Variants in HNF4G observed in about 807,000 individuals in gnomAD.
HNF4G encodes hepatocyte nuclear factor 4-gamma.
In HNF4G, 21 loss-of-function variants were observed where a neutral mutation model predicts 50.9. The observed-to-expected ratio is 0.41, with a 90% CI of 0.29 to 0.59. The LOEUF is 0.59. Ranked by LOEUF, HNF4G falls within the 20% of genes least tolerant of loss-of-function variation. HNF4G has a pLI of 0.26. For synonymous variants in HNF4G, 198 were observed against 185.6 expected (o/e 1.07, Z -0.54); for missense variants, 527 against 559.4 (o/e 0.94, Z 0.58).
At chr8:75,463,232 C>T (rs545971830) in intron 1 of HNF4G, among the ~76,000 whole-genome samples, 24 of 152,022 alleles carry the variant, frequency 1.6e-4, no homozygotes, top group Non-Finnish European at 3.1e-4. Context: ...TTATGAAAAA[C>T]AAATCCTGCA....
intron 1 of HNF4G, among the ~76,000 whole-genome samples, chr8:75,442,737 T>A (rs1448884081): frequency 3.3e-5 from 5 of 152,216 alleles, no homozygotes; most frequent in Non-Finnish European, 7.3e-5. Flanking sequence ...GAGATGGGGA[T>A]CATTATTTTA....
chr8:75,412,389 C>A (rs1205946377), intron 1 of HNF4G, among the ~76,000 whole-genome samples: 1 of 152,158 alleles, frequency 6.6e-6, no homozygotes, highest in East Asian at 1.9e-4. Context: ...TTCTTACTTT[C>A]AAAGTACATA....
chr8:75,438,403 A>G lies in HNF4G; in HGVS notation c.-144+30241A>G, dbSNP rs1811191513. The stretch of plus-strand genomic sequence containing the variant: ...TTCCACTGTACCACTGTAAAACCTA[A>G]AACAAGTTCTGGATATGTTAGAACA... On this transcript the variant is annotated intron_variant, in intron 1 of 10. Transcript: ENST00000354370. 2.6e-5 allele frequency among the ~76,000 whole-genome samples: 4 copies of G among 152,150 alleles called. No homozygotes were observed. In the South Asian group the frequency reaches 8.3e-4, roughly 32 times the overall value.
At chr8:75,437,501 G>T (rs1054429616) in intron 1 of HNF4G, among the ~76,000 whole-genome samples, 5 of 152,104 alleles carry the variant, frequency 3.3e-5, no homozygotes, top group African/African-American at 4.8e-5. Context: ...GGGGCAAGGG[G>T]CCTTAAACTA....
chr8:75,529,052 C>G (rs1260852284), intron 2 of HNF4G, among the ~76,000 whole-genome samples: 1 of 151,774 alleles, frequency 6.6e-6, no homozygotes, highest in Admixed American at 6.6e-5. Flanking sequence ...TTTGGGAGGC[C>G]GAGACGGACG....
intron 5 of HNF4G, among the ~76,000 whole-genome samples, chr8:75,553,726 A>G (rs2130805430): frequency 6.6e-6 from 1 of 152,246 alleles, no homozygotes; most frequent in East Asian, 1.9e-4. Flanking sequence ...TTATTGTATA[A>G]AAGTTACATG....
chr8:75,510,090 G>C (rs571008912), intron 2 of HNF4G, among the ~76,000 whole-genome samples: 12 of 152,088 alleles, frequency 7.9e-5, no homozygotes, highest in Non-Finnish European at 1.6e-4. Context: ...AGATATGGGG[G>C]TGGAAGGCAG....
At chr8:75,532,386 G>A (rs1806351796) in intron 2 of HNF4G, among the ~76,000 whole-genome samples, 1 of 151,936 alleles carries the variant, frequency 6.6e-6, no homozygotes, top group Admixed American at 6.6e-5. Context: ...GCATACTCTT[G>A]TAGTAGTTCT....
chr8:75,546,968 T>A (rs180812133), intron 2 of HNF4G, among the ~76,000 whole-genome samples: 13 of 152,282 alleles, frequency 8.5e-5, no homozygotes, highest in African/African-American at 3.1e-4. Flanking sequence ...AGCAGCTGCA[T>A]CATTTAACAT....
chr8:75,483,623 C>T (rs1812431885), intron 1 of HNF4G, among the ~76,000 whole-genome samples: 2 of 152,114 alleles, frequency 1.3e-5, no homozygotes, highest in Non-Finnish European at 2.9e-5. Flanking sequence ...GTAAACATAC[C>T]ATTGGTGCAA....
intron 1 of HNF4G, among the ~76,000 whole-genome samples, chr8:75,411,869 A>G (rs895603675): frequency 2.6e-5 from 4 of 152,202 alleles, no homozygotes; most frequent in African/African-American, 9.7e-5. Context: ...TATAATACCT[A>G]TGCCATATAA....
rs562084738 is a variant in HNF4G at position 75,474,668 on chromosome 8, TA to T, written c.-143-15420del. Among the ~76,000 whole-genome samples, 83 of 152,118 alleles carry T rather than the reference TA, an allele frequency of 5.5e-4. 1 individual carries two copies. The South Asian group carries it at 7.7e-3, about 14-fold the overall frequency. On this transcript the variant is annotated intron_variant, in intron 1 of 10. Transcript: ENST00000354370. ...AAGAATGATGAATAATAATAATTAT[TA>T]TTTTTTTTGGAGATGGAATTATTAT...
intron 2 of HNF4G, among the ~76,000 whole-genome samples, chr8:75,514,194 T>C (rs1468336258): frequency 6.6e-6 from 1 of 152,000 alleles, no homozygotes; most frequent in Non-Finnish European, 1.5e-5. Flanking sequence ...CATTACATAG[T>C]GATTCTTTTA....
chr8:75,560,659 T>A (rs1263401770), intron 9 of HNF4G, among the ~76,000 whole-genome samples, 193 bp downstream of exon 9: 1 of 152,074 alleles, frequency 6.6e-6, no homozygotes, highest in African/African-American at 2.4e-5. Flanking sequence ...CTTCCTAAAA[T>A]GAAAATGAAA....
At chr8:75,494,393 G>A (rs992886803) in intron 2 of HNF4G, among the ~76,000 whole-genome samples, 8 of 150,954 alleles carry the variant, frequency 5.3e-5, no homozygotes, top group African/African-American at 1.9e-4. Flanking sequence ...TCATGTGATA[G>A]ATACGTGAAA....
At chr8:75,470,480 C>T (rs565475213) in intron 1 of HNF4G, among the ~76,000 whole-genome samples, 2 of 152,172 alleles carry the variant, frequency 1.3e-5, no homozygotes, top group East Asian at 1.9e-4. Flanking sequence ...TTGTTCATTC[C>T]TTTAAGGATC....
chr8:75,435,540 G>A (rs904881960), intron 1 of HNF4G, among the ~76,000 whole-genome samples: 5 of 152,076 alleles, frequency 3.3e-5, no homozygotes, highest in African/African-American at 1.2e-4. Flanking sequence ...CTGGACCCAG[G>A]GCAATGGCAA....
intron 1 of HNF4G, among the ~76,000 whole-genome samples, chr8:75,422,584 A>G (rs1746034606): frequency 6.6e-6 from 1 of 152,292 alleles, no homozygotes; most frequent in Middle Eastern, 3.4e-3. Flanking sequence ...TAATCCAGTG[A>G]AATTAATCTT....
intron 1 of HNF4G, among the ~76,000 whole-genome samples, chr8:75,433,129 C>T (rs996622629): frequency 2.6e-5 from 4 of 152,074 alleles, no homozygotes; most frequent in Non-Finnish European, 5.9e-5. Flanking sequence ...AGGCCAGCTC[C>T]GATGGCTCAT....
Sources: gnomAD v4.1 joint callset for allele counts (sites outside exome capture counted in the v4.1 genomes callset) on GRCh38, gnomAD v4.1.1 for gene constraint, MANE v1.5 for transcripts, NCBI Gene and HGNC (gene_info 2026-07-23, HGNC 2026-07-21) for gene names.